Variants in PABPN1L observed in about 807,000 individuals in gnomAD.
The protein encoded by PABPN1L is embryonic polyadenylate-binding protein 2.
A neutral mutation model predicts 34.0 loss-of-function variants in PABPN1L; 45 were observed. The observed-to-expected ratio is 1.32, with a 90% CI of 1.04 to 1.70. The LOEUF is 1.70. PABPN1L is among the 40% of genes most tolerant of loss of function. The pLI is 0.00. For missense variants in PABPN1L, 459 were observed against 367.8 expected, an observed-to-expected ratio of 1.25 and a Z score of -2.03; for synonymous variants, 182 against 152.1, an observed-to-expected ratio of 1.20 and a Z score of -1.45.
upstream of PABPN1L, among the ~76,000 whole-genome samples, chr16:88,869,444 G>A (rs113848439): frequency 5.3e-5 from 8 of 152,336 alleles, no homozygotes; most frequent in Non-Finnish European, 8.8e-5. Flanking sequence ...CTCGAGAGCC[G>A]CTGTCCTCAC....
chr16:88,868,576 G>A (rs764120401), upstream of PABPN1L, among the ~76,000 whole-genome samples: 4 of 151,996 alleles, frequency 2.6e-5, no homozygotes, highest in Non-Finnish European at 5.9e-5. Flanking sequence ...ACTGCACTCC[G>A]GCCTGGGCGA....
At chr16:88,869,417 C>T (rs769053717), upstream of PABPN1L, among the ~76,000 whole-genome samples, 1 of 152,232 alleles carries the variant, frequency 6.6e-6, no homozygotes, top group Admixed American at 6.5e-5. Context: ...GGAGGGCTGC[C>T]GGGCTGCTCC....
chr16:88,863,583 T>C (rs1420018300), exon 7 of PABPN1L: 12 of 835,218 alleles, frequency 1.4e-5, no homozygotes. Context: ...TGGACCACCA[T>C]ACAAGGCCCT....
upstream of PABPN1L, among the ~76,000 whole-genome samples, chr16:88,867,046 G>C (rs1421790569): frequency 6.6e-6 from 1 of 152,130 alleles, no homozygotes; most frequent in Non-Finnish European, 1.5e-5. Context: ...GGTGGCTTCC[G>C]ACCAGGAGAG....
In PABPN1L at chr16:88,865,648, C is replaced by G. The variant is rs769426982; in HGVS notation, c.392-18G>C. ...GGGGCAGCCTGCGGAGAACACAGCT[C>G]AGGCCCGCAGGCCCTTGGTTCCTTC... On this transcript the variant is annotated intron_variant, in intron 2 of 6. Coordinates refer to ENST00000419291, the Ensembl canonical transcript of PABPN1L. The G allele has an allele frequency of 6.3e-7, 1 of 1,591,334 alleles. No homozygotes were observed. Among genetic ancestry groups the G allele is most frequent in the Non-Finnish European group, 8.6e-7 (1 of 1,168,028 alleles).
At position 88,864,297 on chromosome 16, in the gene PABPN1L, G is replaced by GC. The variant is rs748478548; in HGVS notation, c.736dup (p.Ala246GlyfsTer89). On this transcript the variant is annotated frameshift_variant, in exon 6 of 7. Coordinates refer to ENST00000419291, the Ensembl canonical transcript of PABPN1L. LOFTEE classifies it high-confidence loss of function. Reference sequence around the variant, plus strand: ...CTGGAGGCCGCTGTGGGGGAAGGGTGCCCCCCTGGAGCCTGGGTGTCCTCG... The same window carrying GC: ...CTGGAGGCCGCTGTGGGGGAAGGGTGCCCCCCCTGGAGCCTGGGTGTCCTCG... 7 of 1,554,594 alleles carry GC rather than the reference G, an allele frequency of 4.5e-6. No homozygotes were observed. Among genetic ancestry groups the GC allele is most frequent in the African/African-American group, 1.4e-5 (1 of 72,394 alleles).
chr16:88,868,053 C>A (rs139383083), upstream of PABPN1L, among the ~76,000 whole-genome samples: 1 of 152,294 alleles, frequency 6.6e-6, no homozygotes, highest in East Asian at 1.9e-4. Flanking sequence ...CACTGCTGCA[C>A]CATGCACCAC....
chr16:88,864,363 G>A, exon 6 of PABPN1L: 1 of 1,555,766 alleles, frequency 6.4e-7, no homozygotes, highest in Non-Finnish European at 8.7e-7. Context: ...AGGGAAGTTG[G>A]TTCTTTTCGG....
At position 88,866,341 on chromosome 16, in the gene PABPN1L, A is replaced by T. The variant is rs1483707618; in HGVS notation, c.255+11T>A. 6.5e-7 allele frequency: 1 copy of T among 1,547,274 alleles called. No homozygotes were observed. The highest frequency in any genetic ancestry group is 2.4e-5 in the East Asian group (1 of 40,918). ...CCCCTGAGATCCCCAGGGCCTCCAC[A>T]CAGCTGTTACCTGGTCAGGCAATGG... is the stretch of plus-strand genomic sequence containing the variant. On this transcript the variant is annotated intron_variant, in intron 1 of 6. Transcript: ENST00000419291.
upstream of PABPN1L, among the ~76,000 whole-genome samples, chr16:88,866,958 C>T (rs1384953545): frequency 1.3e-5 from 2 of 152,268 alleles, no homozygotes; most frequent in African/African-American, 2.4e-5. Flanking sequence ...GCACGAACGC[C>T]ACACTGCATG....
In PABPN1L at chr16:88,866,350, A is replaced by C; in HGVS notation, c.255+2T>G. On this transcript the variant is annotated splice_donor_variant, in intron 1 of 6. Transcript: ENST00000419291. LOFTEE classifies it high-confidence loss of function. ...TCCCCAGGGCCTCCACACAGCTGTT[A>C]CCTGGTCAGGCAATGGGCACTCAGC... 6.5e-7 allele frequency: 1 copy of C among 1,549,056 alleles called. No homozygotes were observed. The highest frequency in any genetic ancestry group is 8.7e-7 in the Non-Finnish European group (1 of 1,146,784).
At chr16:88,866,123 C>T (rs1175347435) in intron 1 of PABPN1L, among the ~76,000 whole-genome samples, 182 bp from the exon 2 acceptor site, 5 of 152,242 alleles carry the variant, frequency 3.3e-5, no homozygotes, top group Non-Finnish European at 7.3e-5. Context: ...GAGAAGCCCC[C>T]GAAACCGCAC....
rs556306555 is a variant in PABPN1L, at chr16:88,865,953, C to A, written c.256-12G>T. On this transcript the variant is annotated splice_polypyrimidine_tract_variant and intron_variant, in intron 1 of 6. Transcript: ENST00000419291. ...ATGGCCTCCAGCTCCTGCCGACACACGGCCCTGAGCCGGGCAGGCAGCCTG... is the reference window on the plus strand; with the variant it reads ...ATGGCCTCCAGCTCCTGCCGACACAAGGCCCTGAGCCGGGCAGGCAGCCTG... The A allele has an allele frequency of 1.2e-6, 2 of 1,601,372 alleles. No homozygotes were observed.
upstream of PABPN1L, chr16:88,866,785 C>T: frequency 1.4e-5 from 12 of 850,168 alleles, no homozygotes; most frequent in Non-Finnish European, 1.9e-5. Flanking sequence ...GGCCCCGCCC[C>T]TTCCCTGTCA....
chr16:88,866,833 A>G (rs1302458586), upstream of PABPN1L, among the ~76,000 whole-genome samples: 1 of 152,186 alleles, frequency 6.6e-6, no homozygotes, highest in Non-Finnish European at 1.5e-5. Flanking sequence ...CCCTGGAGGA[A>G]GGAGAGGCTG....
upstream of PABPN1L, among the ~76,000 whole-genome samples, chr16:88,869,761 G>T (rs1968663547): frequency 6.6e-6 from 1 of 152,262 alleles, no homozygotes; most frequent in African/African-American, 2.4e-5. Flanking sequence ...CTGAGCTCGG[G>T]CCCCGGCCAT....
intron 3 of PABPN1L, among the ~76,000 whole-genome samples, 155 bp from the exon 4 acceptor site, chr16:88,865,283 A>G (rs1313638877): frequency 6.6e-6 from 1 of 151,428 alleles, no homozygotes; most frequent in African/African-American, 2.4e-5. Flanking sequence ...TGGAGGGAAG[A>G]GAGGAAAGGA....
intron 3 of PABPN1L, 136 bp downstream of exon 3, chr16:88,865,427 C>A: frequency 8.9e-7 from 1 of 1,125,462 alleles, no homozygotes. Context: ...CCAGTGTTTC[C>A]TCAAGGTGAC....
Position 88,864,224 on chromosome 16 carries a change from G to T in PABPN1L, c.797+13C>A. 6.6e-7 allele frequency: 1 copy of T among 1,518,514 alleles called. No homozygotes were observed. The highest frequency in any genetic ancestry group is 1.2e-5 in the South Asian group (1 of 82,744). 94.1% of individuals were successfully genotyped at this position (1,518,514 alleles called of 1,614,324 possible). On this transcript the variant is annotated intron_variant, in intron 6 of 6. Coordinates refer to ENST00000419291, the Ensembl canonical transcript of PABPN1L. ...CCCTCGCCCCCAGGCTGCCCCCACA[G>T]GCACCCACTCACCGGTTCTGCCCTT...
Sources: allele counts gnomAD v4.1 joint callset (sites outside exome capture counted in the v4.1 genomes callset), GRCh38; gene constraint gnomAD v4.1.1; transcripts MANE v1.5; gene names NCBI Gene and HGNC (gene_info 2026-07-23, HGNC 2026-07-21).